CD58: variants seen among roughly 807,000 people sequenced by gnomAD.
CD58 encodes CD58 molecule, also known as lymphocyte function-associated antigen 3.
In CD58, 14 loss-of-function variants were observed where a neutral mutation model predicts 27.6. The observed-to-expected ratio is 0.51, with a 90% CI of 0.34 to 0.79. The LOEUF is 0.79. Ranked by LOEUF, CD58 falls within the 30% of genes least tolerant of loss-of-function variation. CD58 has a pLI of 0.02. For synonymous variants in CD58, 117 were observed against 103.8 expected, an observed-to-expected ratio of 1.13 and a Z score of -0.77; for missense variants, 268 against 301.7, an observed-to-expected ratio of 0.89 and a Z score of 0.83.
Position 116,546,077 on chromosome 1 carries a change from G to A in CD58, c.71-1473C>T, listed in dbSNP as rs12038677. Among the ~76,000 whole-genome samples the A allele has an allele frequency of 3.9e-5, 6 of 152,320 alleles. No homozygotes were observed. The East Asian group carries it at 1.2e-3, about 29-fold the overall frequency. On this transcript the variant is annotated intron_variant, in intron 1 of 5. Coordinates refer to ENST00000369489, the MANE Select transcript of CD58 (RefSeq NM_001779.3). The surrounding 1 kb of genome is among the most constrained non-coding windows in gnomAD (Gnocchi z 4.1). Reference sequence around the variant, plus strand: ...GTGGTCCCCAGCTACTTGGGAGGCTGAAGAGGATTACTTGAAGCCATGAGG... The same window carrying A: ...GTGGTCCCCAGCTACTTGGGAGGCTAAAGAGGATTACTTGAAGCCATGAGG...
rs370305679 is a variant in CD58, at chr1:116,517,554, C to G, written c.743+1677G>C. On this transcript the variant is annotated intron_variant, in intron 5 of 5. Coordinates refer to ENST00000369489, the MANE Select transcript of CD58 (RefSeq NM_001779.3). The surrounding 1 kb of genome is among the most constrained non-coding windows in gnomAD (Gnocchi z 6.5). The stretch of plus-strand genomic sequence containing the variant: ...GACCACAGCAACCGACTCCACAAAA[C>G]CAAAGGTCTTAACCCCTCGCCTACC... Among the ~76,000 whole-genome samples the G allele has an allele frequency of 7.9e-5, 12 of 152,288 alleles. 1 individual carries two copies. Among genetic ancestry groups the G allele is most frequent in the African/African-American group, 2.9e-4 (12 of 41,536 alleles).
chr1:116,553,186 A>C (rs1319461293), intron 1 of CD58, among the ~76,000 whole-genome samples: 1 of 150,998 alleles, frequency 6.6e-6, no homozygotes, highest in Non-Finnish European at 1.5e-5. Flanking sequence ...TCAAAGTTTA[A>C]AGGCTCCTTA....
chr1:116,545,431 A>G (rs1443140687), intron 1 of CD58, among the ~76,000 whole-genome samples: 1 of 152,198 alleles, frequency 6.6e-6, no homozygotes, highest in Admixed American at 6.5e-5. Context: ...CATGGACAGG[A>G]CAGACCAGAG....
In CD58 at chr1:116,571,006, G is replaced by T. The variant is rs757541879; in HGVS notation, c.-34C>A. On this transcript the variant is annotated 5_prime_UTR_variant, in exon 1 of 6. It adds an upstream start codon to the 5' untranslated region. Transcript: ENST00000369489. ...GGGCCGGCCTCTGCGCGAGTGCCCA[G>T]CCACAAGCAGCCCTAAGTTCAAGCA... The T allele has an allele frequency of 9.9e-6, 15 of 1,515,454 alleles. No individual in the cohort carries two copies. The highest frequency in any genetic ancestry group is 1.4e-5 in the African/African-American group (1 of 71,620). 93.9% of individuals were successfully genotyped at this position (1,515,454 alleles called of 1,614,324 possible).
intron 2 of CD58, among the ~76,000 whole-genome samples, chr1:116,542,974 G>T (rs969824797): frequency 1.3e-5 from 2 of 152,198 alleles, no homozygotes; most frequent in Admixed American, 1.3e-4. Context: ...GTAACTGCTA[G>T]GAGAGTGGGT....
chr1:116,519,832 C>A lies in CD58; in HGVS notation c.707-565G>T, dbSNP rs1657212625. 6.6e-6 allele frequency among the ~76,000 whole-genome samples: 1 copy of A among 152,164 alleles called. No homozygotes were observed. Among genetic ancestry groups the A allele is most frequent in the Non-Finnish European group, 1.5e-5 (1 of 68,032 alleles). ...TCCCACATTTCAAGTGCTCCATAGC[C>A]ACATGTAGCTCATGGCTACTATTTC... On this transcript the variant is annotated intron_variant, in intron 4 of 5. Transcript: ENST00000369489. This position sits in a 1 kb window ranked among gnomAD's most constrained non-coding sequence, Gnocchi z 4.7.
chr1:116,545,222 A>G (rs182834107), intron 1 of CD58, among the ~76,000 whole-genome samples: 59 of 152,318 alleles, frequency 3.9e-4, no homozygotes, highest in African/African-American at 1.4e-3. Context: ...CCCACAGCCT[A>G]TGTGTGCTAA....
chr1:116,545,505 A>T (rs1658139045), intron 1 of CD58, among the ~76,000 whole-genome samples: 1 of 152,184 alleles, frequency 6.6e-6, no homozygotes, highest in Non-Finnish European at 1.5e-5. Flanking sequence ...AGAGAAGTCA[A>T]CAGGATTCAG....
In CD58 at chr1:116,534,448, C is replaced by T. The variant is rs1401663838; in HGVS notation, c.628+1517G>A. On this transcript the variant is annotated intron_variant, in intron 3 of 5. Coordinates refer to ENST00000369489, the MANE Select transcript of CD58 (RefSeq NM_001779.3). This position sits in a 1 kb window ranked among gnomAD's most constrained non-coding sequence, Gnocchi z 5.3. The stretch of plus-strand genomic sequence containing the variant: ...GGTGCGCCGCGGCCCTCCGGGTACG[C>T]GGGGCTGGCTGGGCTAGCGGGAGAT... Among the ~76,000 whole-genome samples the T allele has an allele frequency of 1.3e-5, 2 of 152,232 alleles. No homozygotes were observed. The highest frequency in any genetic ancestry group is 2.9e-5 in the Non-Finnish European group (2 of 68,042).
Position 116,559,928 on chromosome 1 carries a change from G to A in CD58, c.70+10975C>T, listed in dbSNP as rs1051711920. On this transcript the variant is annotated intron_variant, in intron 1 of 5. Transcript: ENST00000369489. This position sits in a 1 kb window ranked among gnomAD's most constrained non-coding sequence, Gnocchi z 4.4. ...ACCTGAAATATGGTTAGTTCAAATG[G>A]AGATGTGTTCTGAGTATCAAATACA... is the stretch of plus-strand genomic sequence containing the variant. 6.5e-6 allele frequency: 1 copy of A among 153,894 alleles called. No individual in the cohort carries two copies. Among genetic ancestry groups the A allele is most frequent in the African/African-American group, 2.4e-5 (1 of 41,474 alleles). The allele number at this position is 153,894 out of a possible 1,614,324, so 9.5% of individuals were successfully genotyped here.
At position 116,538,734 on chromosome 1, in the gene CD58, A is replaced by G. The variant is rs968329925; in HGVS notation, c.365-2506T>C. Among the ~76,000 whole-genome samples, 2 of 152,160 alleles carry G rather than the reference A, an allele frequency of 1.3e-5. No individual in the cohort carries two copies. The highest frequency in any genetic ancestry group is 2.4e-5 in the African/African-American group (1 of 41,436). ...GCATCATCAGCCCCAGAGACTGTGT[A>G]TCTTTGGAGGGCAAAGACTAGGTAT... On this transcript the variant is annotated intron_variant, in intron 2 of 5. Coordinates refer to ENST00000369489, the MANE Select transcript of CD58 (RefSeq NM_001779.3). This position sits in a 1 kb window ranked among gnomAD's most constrained non-coding sequence, Gnocchi z 4.7.
chr1:116,543,035 A>G (rs1290691427), intron 2 of CD58, among the ~76,000 whole-genome samples: 1 of 152,226 alleles, frequency 6.6e-6, no homozygotes, highest in Admixed American at 6.5e-5. Context: ...TGATTAGAGA[A>G]ATTAAAAGTG....
At chr1:116,537,467 T>C (rs1657849791) in intron 2 of CD58, among the ~76,000 whole-genome samples, 1 of 152,242 alleles carries the variant, frequency 6.6e-6, no homozygotes, top group Non-Finnish European at 1.5e-5. Flanking sequence ...ATACATTTTG[T>C]GAAAGGTGGA....
In CD58 at chr1:116,519,952, G is replaced by C. The variant is rs1289690280; in HGVS notation, c.707-685C>G. On this transcript the variant is annotated intron_variant, in intron 4 of 5. Transcript: ENST00000369489. The surrounding 1 kb of genome is among the most constrained non-coding windows in gnomAD (Gnocchi z 4.7). ...CTAGAACTATGCTAGTGGTTCAGAAGCTTAGTCAATAGGGTTGACTAGAGC... is the reference window on the plus strand; with the variant it reads ...CTAGAACTATGCTAGTGGTTCAGAACCTTAGTCAATAGGGTTGACTAGAGC... Among the ~76,000 whole-genome samples the C allele has an allele frequency of 2.0e-5, 3 of 152,216 alleles. No individual in the cohort carries two copies. The highest frequency in any genetic ancestry group is 4.4e-5 in the Non-Finnish European group (3 of 68,042).
intron 3 of CD58, among the ~76,000 whole-genome samples, chr1:116,529,894 TA>T (rs1657542360): frequency 6.6e-6 from 1 of 152,180 alleles, no homozygotes; most frequent in African/African-American, 2.4e-5. Context: ...ATGTCATGAC[TA>T]AAATGATGAC....
At chr1:116,558,477 T>A (rs1305268338) in intron 1 of CD58, among the ~76,000 whole-genome samples, 1 of 152,206 alleles carries the variant, frequency 6.6e-6, no homozygotes, top group Non-Finnish European at 1.5e-5. Context: ...AACATCTCTA[T>A]CTACACACCC....
rs1271149229 is a variant in CD58, at chr1:116,538,909, A to C, written c.365-2681T>G. 1.3e-5 allele frequency among the ~76,000 whole-genome samples: 2 copies of C among 152,198 alleles called. No homozygotes were observed. Among genetic ancestry groups the C allele is most frequent in the African/African-American group, 4.8e-5 (2 of 41,454 alleles). The stretch of plus-strand genomic sequence containing the variant: ...TAAAATGTAAATTCTTCTACCCGCT[A>C]TCTCCAAAGAGGTACAGTATGGTGT... On this transcript the variant is annotated intron_variant, in intron 2 of 5. Coordinates refer to ENST00000369489, the MANE Select transcript of CD58 (RefSeq NM_001779.3). This position sits in a 1 kb window ranked among gnomAD's most constrained non-coding sequence, Gnocchi z 4.7.
intron 1 of CD58, among the ~76,000 whole-genome samples, chr1:116,553,978 T>C (rs1658474705): frequency 6.6e-6 from 1 of 152,172 alleles, no homozygotes; most frequent in Non-Finnish European, 1.5e-5. Context: ...GCACTAGTGA[T>C]ATTACTCAGA....
intron 3 of CD58, among the ~76,000 whole-genome samples, chr1:116,526,516 C>T (rs1657439549): frequency 6.6e-6 from 1 of 152,210 alleles, no homozygotes; most frequent in Non-Finnish European, 1.5e-5. Context: ...TGGTTTATTT[C>T]TGGGCTCTCT....
Sources: allele counts gnomAD v4.1 joint callset (sites outside exome capture counted in the v4.1 genomes callset), GRCh38; gene constraint gnomAD v4.1.1; non-coding constraint Gnocchi (gnomAD v3.1); transcripts MANE v1.5; gene names NCBI Gene and HGNC (gene_info 2026-07-23, HGNC 2026-07-21).